Variants in PPP2R2B observed in about 807,000 individuals in gnomAD.
PPP2R2B encodes the protein protein phosphatase 2 regulatory subunit Bbeta.
Under a neutral mutation model 46.0 loss-of-function variants are expected in PPP2R2B, and 5 were observed. The observed-to-expected ratio is 0.11, with a 90% CI of 0.06 to 0.23. The LOEUF (loss-of-function observed/expected upper bound fraction) is 0.23, where lower values mean the gene tolerates loss of function less well. PPP2R2B is among the 10% of genes least tolerant of loss of function. PPP2R2B has a pLI of 1.00. For synonymous variants in PPP2R2B, 215 were observed against 206.7 expected (o/e 1.04, Z -0.34); for missense variants, 367 against 575.0 (o/e 0.64, Z 3.70).
intron 7 of PPP2R2B, 48 bp from the exon 8 acceptor site, chr5:146,600,508 T>C (rs750639055): frequency 1.3e-6 from 2 of 1,583,524 alleles, no homozygotes; most frequent in Non-Finnish European, 1.7e-6. Context: ...CCTTATCAAC[T>C]GACTCTAACA....
At chr5:146,862,649 GATCA>G (rs1431577141) in intron 2 of PPP2R2B, among the ~76,000 whole-genome samples, 1 of 152,114 alleles carries the variant, frequency 6.6e-6, no homozygotes, top group Non-Finnish European at 1.5e-5. Flanking sequence ...ATGCTTTGAA[GATCA>G]ATTAGGAGAG....
rs185527623 is a variant in PPP2R2B at position 146,983,220 on chromosome 5, C to G, written c.79+72445G>C. Among the ~76,000 whole-genome samples, 857 of 124,544 alleles carry G rather than the reference C, an allele frequency of 6.9e-3. 6 individuals carry two copies. The highest frequency in any genetic ancestry group is 0.021 in the African/African-American group (723 of 34,040). The allele number at this position is 124,544 out of a possible 152,430, so 81.7% of individuals were successfully genotyped here. The stretch of plus-strand genomic sequence containing the variant: ...TTTTGAGACGGAGTCTTGCTCTGTC[C>G]CCCAGGCTGGAGTGCAGTGGCACAA... On this transcript the variant is annotated intron_variant, in intron 1 of 8. Coordinates refer to the PPP2R2B transcript ENST00000336640.
At position 146,842,492 on chromosome 5, in the gene PPP2R2B, T is replaced by A. The variant is rs1000209849; in HGVS notation, c.70+35510A>T. ...AATACCTCCATGCCCTTTTTTTTTT[T>A]TTTTTTTAAAGTTCAGGGTTACATG... On this transcript the variant is annotated intron_variant, in intron 2 of 9. Transcript: ENST00000394411. 1.1e-3 allele frequency among the ~76,000 whole-genome samples: 170 copies of A among 151,998 alleles called. 3 individuals are homozygous for A. The highest frequency in any genetic ancestry group is 3.5e-3 in the South Asian group (17 of 4,812).
intron 2 of PPP2R2B, among the ~76,000 whole-genome samples, chr5:146,744,528 G>T (rs1175616198): frequency 1.3e-5 from 2 of 152,152 alleles, no homozygotes; most frequent in Non-Finnish European, 2.9e-5. Context: ...TGCCCTTCCA[G>T]CAGTGAGAAA....
intron 2 of PPP2R2B, among the ~76,000 whole-genome samples, chr5:146,797,585 T>C (rs1479612775): frequency 6.6e-6 from 1 of 152,196 alleles, no homozygotes; most frequent in Non-Finnish European, 1.5e-5. Flanking sequence ...AAGGTATATT[T>C]GTAACCTCGT....
intron 1 of PPP2R2B, among the ~76,000 whole-genome samples, chr5:147,005,576 T>C (rs1362518610): frequency 1.3e-5 from 2 of 152,204 alleles, no homozygotes; most frequent in Non-Finnish European, 2.9e-5. Context: ...AGTCTTATAC[T>C]GCTGAAGCCA....
rs1762049773 is a variant in PPP2R2B at position 146,878,681 on chromosome 5, G to C, written c.-215C>G. 1.6e-6 allele frequency: 2 copies of C among 1,286,618 alleles called. No homozygotes were observed. The highest frequency in any genetic ancestry group is 2.5e-5 in the Admixed American group (1 of 39,862). The allele number at this position is 1,286,618 out of a possible 1,614,324, so 79.7% of individuals were successfully genotyped here. On this transcript the variant is annotated 5_prime_UTR_variant, in exon 1 of 10. Transcript: ENST00000394411. This position sits in a 1 kb window ranked among gnomAD's most constrained non-coding sequence, Gnocchi z 4.5. Reference sequence around the variant, plus strand: ...GCGGGGAGCTGGGCAGGGCGCTGCAGCCGGCGCCAGCGCACTCACCCTCAC... The same window carrying C: ...GCGGGGAGCTGGGCAGGGCGCTGCACCCGGCGCCAGCGCACTCACCCTCAC...
At position 146,588,351 on chromosome 5, in the gene PPP2R2B, G is replaced by GATAA. The variant is rs1293332387; in HGVS notation, c.*1592_*1595dup. On this transcript the variant is annotated 3_prime_UTR_variant, in exon 10 of 10. Transcript: ENST00000394411. Reference sequence around the variant, plus strand: ...TAAATGGATAGTAGCTTAGAATTGAGATAAAATGATTCTTTCACTATTTTT... The same window carrying GATAA: ...TAAATGGATAGTAGCTTAGAATTGAGATAAATAAAATGATTCTTTCACTATTTTT... 1 of 152,170 alleles carries GATAA rather than the reference G, an allele frequency of 6.6e-6. No individual in the cohort carries two copies. Among genetic ancestry groups the GATAA allele is most frequent in the African/African-American group, 2.4e-5 (1 of 41,438 alleles). The allele number at this position is 152,170 out of a possible 1,614,324, so 9.4% of individuals were successfully genotyped here. A position where few individuals can be genotyped will look rare whatever the true frequency, so the allele number is the denominator to read the frequency against.
rs564080016 is a variant in PPP2R2B at position 146,869,598 on chromosome 5, T to C, written c.70+8404A>G. Reference sequence around the variant, plus strand: ...CCAACTATATATCTGTACATGTATATTTAAATGTATGAATAGAAAGATGGC... The same window carrying C: ...CCAACTATATATCTGTACATGTATACTTAAATGTATGAATAGAAAGATGGC... On this transcript the variant is annotated intron_variant, in intron 2 of 9. Coordinates refer to ENST00000394411, the MANE Select transcript of PPP2R2B (RefSeq NM_181675.4). Among the ~76,000 whole-genome samples, 9 of 152,316 alleles carry C rather than the reference T, an allele frequency of 5.9e-5. No homozygotes were observed. In the South Asian group the frequency reaches 1.9e-3, roughly 32 times the overall value.
chr5:147,055,494 T>C (rs1757040344), intron 1 of PPP2R2B, among the ~76,000 whole-genome samples: 1 of 152,198 alleles, frequency 6.6e-6, no homozygotes. Context: ...CCTTTCCTTG[T>C]ACAAGACAGA....
At chr5:147,012,122 T>C in intron 1 of PPP2R2B, among the ~76,000 whole-genome samples, 1 of 150,606 alleles carries the variant, frequency 6.6e-6, no homozygotes, top group Non-Finnish European at 1.5e-5. Flanking sequence ...TCCCTCTTTT[T>C]CTATTGATTG....
chr5:147,015,229 A>G (rs1446873223), intron 1 of PPP2R2B, among the ~76,000 whole-genome samples: 4 of 151,674 alleles, frequency 2.6e-5, no homozygotes, highest in South Asian at 2.1e-4. Context: ...CCTTTCCCCA[A>G]TTTTATAGAC....
Position 146,707,212 on chromosome 5 carries a change from C to T in PPP2R2B, c.71-6070G>A, listed in dbSNP as rs115245584. ...GCTCTCGAATATGTTGTCCATGTTG[C>T]TCCCAGCCGTCTTCTGCTGCTGCAG... On this transcript the variant is annotated intron_variant, in intron 2 of 9. Transcript: ENST00000394411. The T allele has an allele frequency of 1.3e-3, 2,016 of 1,573,642 alleles. 29 individuals are homozygous for T. In the African/African-American group the frequency reaches 0.024, roughly 18 times the overall value.
chr5:147,038,335 T>C (rs1221901114), intron 1 of PPP2R2B, among the ~76,000 whole-genome samples: 7 of 152,076 alleles, frequency 4.6e-5, no homozygotes, highest in Admixed American at 3.9e-4. Flanking sequence ...GAGAACGAGT[T>C]TGATGGAGGA....
At chr5:147,067,749 G>A (rs1420920948) in intron 2 of PPP2R2B, among the ~76,000 whole-genome samples, 3 of 152,158 alleles carry the variant, frequency 2.0e-5, no homozygotes, top group Non-Finnish European at 4.4e-5. Flanking sequence ...ATTCCAATAT[G>A]CTATGAATCT....
At chr5:146,828,254 CT>C (rs78614284) in intron 2 of PPP2R2B, among the ~76,000 whole-genome samples, 9 of 148,520 alleles carry the variant, frequency 6.1e-5, no homozygotes, top group African/African-American at 1.5e-4. Context: ...ATTACTTTTA[CT>C]TTTTTTAAAA....
At chr5:146,647,904 G>A (rs752069071) in intron 6 of PPP2R2B, among the ~76,000 whole-genome samples, 1 of 152,170 alleles carries the variant, frequency 6.6e-6, no homozygotes, top group Non-Finnish European at 1.5e-5. Flanking sequence ...TCTGTTCCGT[G>A]ATCAACAAAA....
chr5:146,758,878 A>T (rs775159084), intron 2 of PPP2R2B, among the ~76,000 whole-genome samples: 4 of 152,206 alleles, frequency 2.6e-5, no homozygotes, highest in Non-Finnish European at 4.4e-5. Context: ...CTGTCTCTAC[A>T]GACCCCTAGG....
rs1484106975 is a variant in PPP2R2B at position 146,631,051 on chromosome 5, T to A, written c.790+7200A>T. On this transcript the variant is annotated intron_variant, in intron 7 of 9. Coordinates refer to ENST00000394411, the MANE Select transcript of PPP2R2B (RefSeq NM_181675.4). ...CCCTGAATTCACTCACTACTGTCAG[T>A]TTGGTTTGACAGAGGGGAAGAAACA... Among the ~76,000 whole-genome samples the A allele has an allele frequency of 2.6e-5, 4 of 152,164 alleles. No homozygotes were observed. In the South Asian group the frequency reaches 6.2e-4, roughly 24 times the overall value.
Sources: gnomAD v4.1 joint callset for allele counts (sites outside exome capture counted in the v4.1 genomes callset) on GRCh38, gnomAD v4.1.1 for gene constraint, Gnocchi (gnomAD v3.1) non-coding constraint, MANE v1.5 for transcripts, NCBI Gene and HGNC (gene_info 2026-07-23, HGNC 2026-07-21) for gene names.